MAD1L1: variants seen among roughly 807,000 people sequenced by gnomAD.
The protein encoded by MAD1L1 is mitotic arrest deficient 1 like 1, also known as mitotic spindle assembly checkpoint protein MAD1.
MAD1L1 carries 95 observed loss-of-function variants against 96.9 expected under a neutral mutation model. That is an observed-to-expected ratio of 0.98 (90% CI 0.83 to 1.16). The LOEUF (loss-of-function observed/expected upper bound fraction) is 1.16. Ranked by LOEUF, MAD1L1 falls within the 50% of genes most tolerant of loss-of-function variation. The probability of loss-of-function intolerance (pLI) is 0.00; values close to 1 mark genes in which losing one functional copy is unlikely to be tolerated. For synonymous variants in MAD1L1, 473 were observed against 396.6 expected (o/e 1.19, Z -2.29); for missense variants, 1,007 against 954.4 (o/e 1.06, Z -0.73).
chr7:1,975,850 G>A (rs967627174), intron 15 of MAD1L1, among the ~76,000 whole-genome samples: 5 of 152,246 alleles, frequency 3.3e-5, no homozygotes, highest in Admixed American at 2.6e-4. Context: ...GCCGGGAAGC[G>A]AGGGTCCGAG....
chr7:1,955,989 G>A (rs1443838634), intron 16 of MAD1L1, among the ~76,000 whole-genome samples: 1 of 139,476 alleles, frequency 7.2e-6, no homozygotes, highest in African/African-American at 2.6e-5. Context: ...GGTGGGTGGG[G>A]GGGTGGGGTG....
intron 18 of MAD1L1, among the ~76,000 whole-genome samples, chr7:1,887,544 T>A (rs1458596332): frequency 1.3e-5 from 2 of 151,242 alleles, no homozygotes; most frequent in Non-Finnish European, 3.0e-5. Flanking sequence ...TGTGGCTGCC[T>A]GTGCATGTGT....
intron 11 of MAD1L1, among the ~76,000 whole-genome samples, chr7:2,132,032 TCTC>T (rs1232290774): frequency 6.6e-6 from 1 of 152,148 alleles, no homozygotes; most frequent in Non-Finnish European, 1.5e-5. Flanking sequence ...GTCCCTCTCT[TCTC>T]CAAGCAGTCA....
At chr7:1,869,979 C>T (rs902001657) in intron 18 of MAD1L1, among the ~76,000 whole-genome samples, 10 of 152,172 alleles carry the variant, frequency 6.6e-5, no homozygotes, top group Non-Finnish European at 1.5e-4. Context: ...GGTGCCTCGC[C>T]CGTGCCTCCC....
intron 16 of MAD1L1, among the ~76,000 whole-genome samples, chr7:1,939,001 A>ACG (rs1389122788): frequency 3.2e-4 from 38 of 117,404 alleles, no homozygotes; most frequent in African/African-American, 1.1e-3. Flanking sequence ...ACACACACGC[A>ACG]CACACACACA....
At chr7:2,043,000 A>C (rs1783758985) in intron 12 of MAD1L1, among the ~76,000 whole-genome samples, 1 of 152,154 alleles carries the variant, frequency 6.6e-6, no homozygotes, top group African/African-American at 2.4e-5. Context: ...ACCTTCGCCA[A>C]GAAGGATGGG....
chr7:1,871,629 ACTGAACCCAACATACGCCTGCCATG>A (rs1562477112), intron 18 of MAD1L1, among the ~76,000 whole-genome samples: 21 of 114,792 alleles, frequency 1.8e-4, no homozygotes, highest in African/African-American at 4.7e-4. Flanking sequence ...CGCCTGCCAC[ACTGAACCCAACATACGCCTGCCATG>A]CTGAACCCAA....
intron 17 of MAD1L1, among the ~76,000 whole-genome samples, chr7:1,930,625 A>C (rs1583825114): frequency 7.3e-6 from 1 of 137,616 alleles, no homozygotes; most frequent in South Asian, 2.4e-4. Context: ...GCTTCGTCCC[A>C]CCGTCACATC....
intron 11 of MAD1L1, among the ~76,000 whole-genome samples, chr7:2,145,251 T>C (rs948813132): frequency 6.6e-6 from 1 of 152,236 alleles, no homozygotes; most frequent in African/African-American, 2.4e-5. Context: ...CTCTCTCTGC[T>C]GTAAGACAGG....
At chr7:2,006,029 G>A (rs1330591764) in intron 13 of MAD1L1, among the ~76,000 whole-genome samples, 1 of 152,034 alleles carries the variant, frequency 6.6e-6, no homozygotes, top group Non-Finnish European at 1.5e-5. Flanking sequence ...TGGAGATGGG[G>A]GAGCGGCAGG....
intron 17 of MAD1L1, among the ~76,000 whole-genome samples, chr7:1,913,300 G>C (rs1361444708): frequency 6.6e-6 from 1 of 151,620 alleles, no homozygotes; most frequent in East Asian, 2.0e-4. Flanking sequence ...GTTCTGGGCG[G>C]GGTGGGTGCA....
intron 12 of MAD1L1, 107 bp from the exon 13 acceptor site, chr7:2,014,749 T>C: frequency 7.7e-7 from 1 of 1,306,394 alleles, no homozygotes; most frequent in Non-Finnish European, 1.0e-6. Flanking sequence ...GGGGGCTCCC[T>C]CGTGAGGACC....
At chr7:1,986,655 G>A (rs1781165812) in intron 14 of MAD1L1, among the ~76,000 whole-genome samples, 1 of 152,142 alleles carries the variant, frequency 6.6e-6, no homozygotes, top group Admixed American at 6.5e-5. Flanking sequence ...TGCACCACGG[G>A]CTTCCTGCCT....
intron 12 of MAD1L1, among the ~76,000 whole-genome samples, chr7:2,054,443 T>C (rs771400193): frequency 6.6e-5 from 10 of 152,124 alleles, no homozygotes; most frequent in Admixed American, 1.3e-4. Flanking sequence ...CTTTTCTCCC[T>C]GGAATTTTTT....
intron 14 of MAD1L1, among the ~76,000 whole-genome samples, chr7:2,001,835 G>A (rs551779494): frequency 5.3e-5 from 8 of 152,340 alleles, no homozygotes; most frequent in African/African-American, 1.9e-4. Context: ...CCACAAACAC[G>A]GTGGTGGGGC....
chr7:2,096,217 C>T (rs1786481378), intron 11 of MAD1L1, among the ~76,000 whole-genome samples: 1 of 152,200 alleles, frequency 6.6e-6, no homozygotes, highest in Admixed American at 6.5e-5. Context: ...AGGACACTTG[C>T]CAGCCACAAG....
intron 11 of MAD1L1, among the ~76,000 whole-genome samples, chr7:2,078,075 CCA>C (rs1287423461): frequency 2.6e-5 from 4 of 152,206 alleles, no homozygotes; most frequent in African/African-American, 9.7e-5. Flanking sequence ...CCCCCACTCA[CCA>C]CAGAGAGGAG....
chr7:2,133,449 C>T (rs1300855236), intron 11 of MAD1L1, among the ~76,000 whole-genome samples: 2 of 152,242 alleles, frequency 1.3e-5, no homozygotes, highest in African/African-American at 4.8e-5. Context: ...GATAACAGCC[C>T]TTATCAGATA....
intron 17 of MAD1L1, among the ~76,000 whole-genome samples, chr7:1,926,576 CA>C (rs1789102069): frequency 6.6e-6 from 1 of 151,968 alleles, no homozygotes; most frequent in Non-Finnish European, 1.5e-5. Flanking sequence ...GGAAACTTCC[CA>C]AAAAAATCAC....
Sources: allele counts gnomAD v4.1 joint callset (sites outside exome capture counted in the v4.1 genomes callset), GRCh38; gene constraint gnomAD v4.1.1; transcripts MANE v1.5; gene names NCBI Gene and HGNC (gene_info 2026-07-23, HGNC 2026-07-21).